The following PRKX variants were observed in gnomAD, a reference collection of about 807,000 sequenced individuals.
PRKX encodes cAMP-dependent protein kinase catalytic subunit PRKX.
A neutral mutation model predicts 22.0 loss-of-function variants in PRKX; 12 were observed. The observed-to-expected ratio is 0.54, with a 90% CI of 0.35 to 0.88. The LOEUF (loss-of-function observed/expected upper bound fraction) is 0.88, where lower values mean the gene tolerates loss of function less well. Ranked by LOEUF, PRKX falls within the 40% of genes least tolerant of loss-of-function variation. The pLI, the probability that PRKX is intolerant of heterozygous loss-of-function variation, is 0.01. For synonymous variants in PRKX, 134 were observed against 137.7 expected, an observed-to-expected ratio of 0.97 and a Z score of 0.19; for missense variants, 217 against 308.0, an observed-to-expected ratio of 0.70 and a Z score of 2.21.
intron 4 of PRKX, among the ~76,000 whole-genome samples, chrX:3,636,811 G>A (rs1199805681): frequency 1.8e-5 from 2 of 111,295 alleles, no homozygotes; most frequent in Non-Finnish European, 3.8e-5. Flanking sequence ...AGTGAACCAA[G>A]ATTTGCGCCA....
intron 3 of PRKX, among the ~76,000 whole-genome samples, chrX:3,651,006 T>C (rs1319547382): frequency 9.1e-6 from 1 of 110,249 alleles, no homozygotes; most frequent in Non-Finnish European, 1.9e-5. Flanking sequence ...CAGGTACTGT[T>C]TGAATCCTGA....
At chrX:3,692,117 AGGGGAGAGAG>A (rs1320629282) in intron 1 of PRKX, among the ~76,000 whole-genome samples, 1 of 48,866 alleles carries the variant, frequency 2.0e-5, no homozygotes, top group African/African-American at 8.0e-5. Context: ...GAGAGTGGGG[AGGGGAGAGAG>A]GGGGAGAGAG....
Position 3,683,447 on chromosome X carries a change from A to G in PRKX, c.167-8681T>C, listed in dbSNP as rs192784388. 4.5e-5 allele frequency among the ~76,000 whole-genome samples: 5 copies of G among 110,707 alleles called. No homozygotes were observed. The East Asian group carries it at 1.5e-3, about 32-fold the overall frequency. On this transcript the variant is annotated intron_variant, in intron 1 of 8. Coordinates refer to ENST00000262848, the MANE Select transcript of PRKX (RefSeq NM_005044.5). ...AGCCTAGACATGTCTGAGCCTTCCC[A>G]GGCCGATCACTAAGGAATGTCCACA...
At chrX:3,690,942 T>C (rs1161235595) in intron 1 of PRKX, among the ~76,000 whole-genome samples, 2 of 111,749 alleles carry the variant, frequency 1.8e-5, no homozygotes, top group Non-Finnish European at 3.8e-5. Context: ...TTTTCACACA[T>C]CTACAATACA....
At chrX:3,657,177 G>C (rs1246386638) in intron 2 of PRKX, among the ~76,000 whole-genome samples, 1 of 112,193 alleles carries the variant, frequency 8.9e-6, no homozygotes, top group Non-Finnish European at 1.9e-5. Context: ...ATTGTCTTGG[G>C]ATGAATGAAT....
rs1205221732 is a variant in PRKX, at chrX:3,613,854, C to CAAAAAAAAAAAAAAAAAAAAA, written c.952-1550_952-1530dup. On this transcript the variant is annotated intron_variant, in intron 7 of 8. Coordinates refer to ENST00000262848, the MANE Select transcript of PRKX (RefSeq NM_005044.5). ...TGAGCGACAAAGTGAGACTCCATCT[C>CAAAAAAAAAAAAAAAAAAAAA]AAAAAAAAAAAAAAAAAAAAAAAAA... Among the ~76,000 whole-genome samples the CAAAAAAAAAAAAAAAAAAAAA allele has an allele frequency of 9.6e-4, 38 of 39,421 alleles. 1 individual carries two copies. The highest frequency in any genetic ancestry group is 2.5e-3 in the South Asian group (1 of 397). 34.2% of individuals were successfully genotyped at this position (39,421 alleles called of 115,157 possible). A position where few individuals can be genotyped will look rare whatever the true frequency, so the allele number is the denominator to read the frequency against.
At chrX:3,610,530 T>C (rs1416474517) in intron 8 of PRKX, among the ~76,000 whole-genome samples, 2 of 110,697 alleles carry the variant, frequency 1.8e-5, no homozygotes, top group African/African-American at 6.6e-5. Flanking sequence ...CTAGCCAAAC[T>C]ATATTAAAAA....
intron 2 of PRKX, among the ~76,000 whole-genome samples, chrX:3,667,102 T>C (rs977999485): frequency 2.5e-4 from 28 of 111,030 alleles, no homozygotes; most frequent in Non-Finnish European, 4.3e-4. Context: ...AAGGGAGGTT[T>C]CCAAGTCCCC....
intron 1 of PRKX, among the ~76,000 whole-genome samples, chrX:3,686,924 A>C (rs1928190757): frequency 8.9e-6 from 1 of 112,443 alleles, no homozygotes; most frequent in Non-Finnish European, 1.9e-5. Context: ...ACCATTTTGA[A>C]GTGTACAGAT....
At chrX:3,650,403 C>G (rs1274006370) in intron 3 of PRKX, among the ~76,000 whole-genome samples, 1 of 105,389 alleles carries the variant, frequency 9.5e-6, no homozygotes, top group East Asian at 3.0e-4. Flanking sequence ...CGCCTGTAGT[C>G]CCAGCTACTT....
intron 3 of PRKX, among the ~76,000 whole-genome samples, chrX:3,651,701 T>A (rs1465677551): frequency 9.0e-6 from 1 of 111,370 alleles, no homozygotes; most frequent in Non-Finnish European, 1.9e-5. Context: ...ATGCAGACGG[T>A]TTTACAATGT....
chrX:3,674,072 T>A (rs1367994473), intron 2 of PRKX, among the ~76,000 whole-genome samples: 1 of 111,290 alleles, frequency 9.0e-6, no homozygotes, highest in African/African-American at 3.3e-5. Context: ...TATAGCAGCC[T>A]GAATGGACTA....
chrX:3,638,104 A>C (rs1317909656), intron 4 of PRKX, among the ~76,000 whole-genome samples: 3 of 111,360 alleles, frequency 2.7e-5, no homozygotes, highest in Non-Finnish European at 5.6e-5. Context: ...ATTACATTAC[A>C]ATTAGGTTAT....
chrX:3,688,172 G>A (rs1210260821), intron 1 of PRKX, among the ~76,000 whole-genome samples: 2 of 109,216 alleles, frequency 1.8e-5, no homozygotes, highest in South Asian at 4.0e-4. Flanking sequence ...CCAGCTGGGC[G>A]CGCTGGCTCA....
At chrX:3,618,879 G>A (rs1926496258) in intron 6 of PRKX, among the ~76,000 whole-genome samples, 3 of 111,770 alleles carry the variant, frequency 2.7e-5, no homozygotes, top group South Asian at 3.8e-4. Context: ...CTAAATGGCT[G>A]TGGCATTAAA....
intron 4 of PRKX, among the ~76,000 whole-genome samples, chrX:3,630,588 T>C (rs1263346476): frequency 1.8e-5 from 2 of 111,539 alleles, no homozygotes; most frequent in East Asian, 2.8e-4. Flanking sequence ...GAAAAGAGAT[T>C]GAGTTGACTC....
chrX:3,712,014 A>G (rs1226846492), intron 1 of PRKX, among the ~76,000 whole-genome samples: 1 of 111,809 alleles, frequency 8.9e-6, no homozygotes, highest in Non-Finnish European at 1.9e-5. Context: ...CAAAGAGGTC[A>G]CTGAAGGAAG....
chrX:3,707,058 T>A (rs1013650491), intron 1 of PRKX, among the ~76,000 whole-genome samples: 1 of 111,411 alleles, frequency 9.0e-6, no homozygotes, highest in African/African-American at 3.3e-5. Context: ...GCCTGGGAGG[T>A]CGAGGCTGCA....
Position 3,605,005 on chromosome X carries a change from TCAC to T in PRKX, c.*3961_*3963del. 1.3e-5 allele frequency: 1 copy of T among 75,165 alleles called. No homozygotes were observed. Among genetic ancestry groups the T allele is most frequent in the Non-Finnish European group, 2.4e-5 (1 of 41,512 alleles). The allele number at this position is 75,165 out of a possible 1,213,427, so 6.2% of individuals were successfully genotyped here. ...TTGGTGAAAATACAGCCCCTCACCTTCACCAAGACACACACACACACACACACA... is the reference window on the plus strand; with the variant it reads ...TTGGTGAAAATACAGCCCCTCACCTTCAAGACACACACACACACACACACA... On this transcript the variant is annotated 3_prime_UTR_variant, in exon 9 of 9. Coordinates refer to ENST00000262848, the MANE Select transcript of PRKX (RefSeq NM_005044.5).
Sources: gnomAD v4.1 joint callset for allele counts (sites outside exome capture counted in the v4.1 genomes callset) on GRCh38, gnomAD v4.1.1 for gene constraint, MANE v1.5 for transcripts, NCBI Gene and HGNC (gene_info 2026-07-23, HGNC 2026-07-21) for gene names.